Variants in IL23R observed in about 807,000 individuals in gnomAD.
The protein encoded by IL23R is interleukin-23 receptor.
Under a neutral mutation model 56.9 loss-of-function variants are expected in IL23R, and 34 were observed. That is an observed-to-expected ratio of 0.60 (90% confidence interval 0.45 to 0.80). The LOEUF (loss-of-function observed/expected upper bound fraction) is 0.80. IL23R is among the 30% of genes least tolerant of loss of function. The pLI, the probability that IL23R is intolerant of heterozygous loss-of-function variation, is 0.00. For synonymous variants in IL23R, 230 were observed against 249.2 expected (o/e 0.92, Z 0.73); for missense variants, 635 against 730.0 (o/e 0.87, Z 1.50).
At chr1:67,265,327 T>C in the IL23R span, among the ~76,000 whole-genome samples, 1 of 152,242 alleles carries the variant, frequency 6.6e-6, no homozygotes, top group Non-Finnish European at 1.5e-5. Context: ...TGACAGTTGC[T>C]ATTCACTCCT....
chr1:67,195,690 T>A (rs1227271241), intron 4 of IL23R, among the ~76,000 whole-genome samples: 1 of 152,160 alleles, frequency 6.6e-6, no homozygotes, highest in African/African-American at 2.4e-5. Context: ...AAACCTGAGC[T>A]GAATAGGAGG....
chr1:67,256,726 G>T (rs1476223011), intron 10 of IL23R, among the ~76,000 whole-genome samples: 2 of 152,124 alleles, frequency 1.3e-5, no homozygotes, highest in African/African-American at 4.8e-5. Context: ...AAGTCAGGGG[G>T]ACCCCTGGGG....
At chr1:67,162,323 G>GCATGGTGGCACATGTGGCAC (rs552195764), upstream of IL23R, among the ~76,000 whole-genome samples, 121 of 152,040 alleles carry the variant, frequency 8.0e-4, no homozygotes, top group African/African-American at 2.7e-3. Context: ...AATTAGCTGG[G>GCATGGTGGCACATGTGGCAC]CATGGTGGCA....
Position 67,200,770 on chromosome 1 carries a change from C to T in IL23R, c.525C>T (p.Thr175=). The T allele has an allele frequency of 1.9e-6, 3 of 1,613,828 alleles. No individual in the cohort carries two copies. Among genetic ancestry groups the T allele is most frequent in the Non-Finnish European group, 2.5e-6 (3 of 1,179,904 alleles). The change falls in exon 5 of 11, where the codon ACC becomes ACT. Residue 175 remains threonine (T), a synonymous_variant. Transcript: ENST00000347310. ...CAGAAGAAGAGCAACAGTATCTCAC[C>T]TCAAGCTATATTAACATCTCCACTG... ...LETEEEQQYL[T]SSYINISTDS... is the part of the protein sequence containing the mutation.
chr1:67,191,209 T>C (rs1026194011), intron 4 of IL23R, among the ~76,000 whole-genome samples: 17 of 152,216 alleles, frequency 1.1e-4, no homozygotes, highest in Non-Finnish European at 1.8e-4. Flanking sequence ...TTACTTTTTC[T>C]GTCATCTCTC....
intron 3 of IL23R, among the ~76,000 whole-genome samples, chr1:67,175,323 C>G (rs897695771): frequency 1.3e-5 from 2 of 152,062 alleles, no homozygotes; most frequent in African/African-American, 4.8e-5. Flanking sequence ...TTAAAAAAAC[C>G]TTGTTGTGTT....
intron 5 of IL23R, among the ~76,000 whole-genome samples, chr1:67,202,589 A>T (rs1430742626): frequency 2.6e-5 from 4 of 152,134 alleles, no homozygotes; most frequent in African/African-American, 9.7e-5. Context: ...TTTGTAGATG[A>T]GATTATAATT....
At chr1:67,230,760 T>G (rs1363492161) in intron 7 of IL23R, among the ~76,000 whole-genome samples, 1 of 152,204 alleles carries the variant, frequency 6.6e-6, no homozygotes, top group Non-Finnish European at 1.5e-5. Context: ...ATGAGTTTGT[T>G]CTGACACACC....
intron 1 of IL23R, among the ~76,000 whole-genome samples, chr1:67,146,135 A>C (rs1210183450): frequency 6.6e-6 from 1 of 152,152 alleles, no homozygotes; most frequent in African/African-American, 2.4e-5. Flanking sequence ...TGAGTAACAG[A>C]TGACTGCAGC....
chr1:67,257,559 G>A (rs1001156914), intron 10 of IL23R, among the ~76,000 whole-genome samples: 5 of 152,100 alleles, frequency 3.3e-5, no homozygotes, highest in Admixed American at 6.5e-5. Context: ...AATTGTGTTG[G>A]GTGACAGTTT....
chr1:67,190,832 C>T, intron 4 of IL23R, among the ~76,000 whole-genome samples: 1 of 152,118 alleles, frequency 6.6e-6, no homozygotes, highest in East Asian at 1.9e-4. Flanking sequence ...ATGTTAGAGC[C>T]CTTAAATTCA....
chr1:67,162,370 C>T (rs1287638693), upstream of IL23R, among the ~76,000 whole-genome samples: 1 of 151,858 alleles, frequency 6.6e-6, no homozygotes, highest in Non-Finnish European at 1.5e-5. Context: ...GCCTGTAGTC[C>T]CAGCTACTCA....
intron 9 of IL23R, among the ~76,000 whole-genome samples, chr1:67,246,891 T>A (rs1652261570): frequency 6.6e-6 from 1 of 152,222 alleles, no homozygotes; most frequent in African/African-American, 2.4e-5. Context: ...CTCGCTGATC[T>A]GTCTAATATT....
chr1:67,154,586 T>A (rs1346218675), intron 1 of IL23R, among the ~76,000 whole-genome samples: 2 of 151,764 alleles, frequency 1.3e-5, no homozygotes, highest in African/African-American at 2.4e-5. Context: ...GCAAGCCCTG[T>A]CTTTTTAAAT....
intron 1 of IL23R, among the ~76,000 whole-genome samples, chr1:67,152,327 A>G (rs1646735573): frequency 6.6e-6 from 1 of 152,178 alleles, no homozygotes; most frequent in African/African-American, 2.4e-5. Flanking sequence ...AGACTGCTGA[A>G]GTTGATTATC....
intron 6 of IL23R, among the ~76,000 whole-genome samples, chr1:67,218,903 T>C (rs1324158267): frequency 6.6e-6 from 1 of 150,906 alleles, no homozygotes; most frequent in Non-Finnish European, 1.5e-5. Flanking sequence ...CAGTCCAGCC[T>C]GGGCAACAGA....
intron 2 of IL23R, 48 bp from the exon 3 acceptor site, chr1:67,169,294 T>C (rs1646912845): frequency 7.3e-7 from 1 of 1,375,222 alleles, no homozygotes; most frequent in African/African-American, 1.4e-5. Context: ...CTGAATCTCT[T>C]GATTTAATGT....
Position 67,243,537 on chromosome 1 carries a change from C to A in IL23R, c.1148+3256C>A, listed in dbSNP as rs551234683. ...GTGTGTTCTCATTGTTCAGCTCCCA[C>A]TTATGAGTGAGAACATGTGGTGTTT... On this transcript the variant is annotated intron_variant, in intron 9 of 10. Coordinates refer to ENST00000347310, the MANE Select transcript of IL23R (RefSeq NM_144701.3). Among the ~76,000 whole-genome samples, 4 of 152,162 alleles carry A rather than the reference C, an allele frequency of 2.6e-5. No homozygotes were observed. In the East Asian group the frequency reaches 7.7e-4, roughly 29 times the overall value.
intron 9 of IL23R, among the ~76,000 whole-genome samples, chr1:67,251,785 G>C (rs967496491): frequency 1.3e-5 from 2 of 152,152 alleles, no homozygotes; most frequent in Admixed American, 6.6e-5. Context: ...AAAAACTTTA[G>C]CTACTGAGCT....
Sources: gnomAD v4.1 joint callset for allele counts (sites outside exome capture counted in the v4.1 genomes callset) on GRCh38, gnomAD v4.1.1 for gene constraint, MANE v1.5 for transcripts, NCBI Gene and HGNC (gene_info 2026-07-23, HGNC 2026-07-21) for gene names.